Variants in SALL1 observed in about 807,000 individuals in gnomAD.
SALL1 encodes the protein spalt like transcription factor 1.
In SALL1, 10 loss-of-function variants were observed where a neutral mutation model predicts 73.1. The observed-to-expected ratio is 0.14, with a 90% CI of 0.08 to 0.23. SALL1 has a LOEUF of 0.23. SALL1 is among the 10% of genes least tolerant of loss of function. The pLI is 1.00. For missense variants in SALL1, 1,520 were observed against 1,697.3 expected, an observed-to-expected ratio of 0.90 and a Z score of 1.84; for synonymous variants, 688 against 689.8, an observed-to-expected ratio of 1.00 and a Z score of 0.04.
intron 2 of SALL1, 119 bp downstream of exon 2, chr16:51,138,569 T>C (rs1962352363): frequency 7.5e-7 from 1 of 1,330,820 alleles, no homozygotes; most frequent in Non-Finnish European, 1.0e-6. Flanking sequence ...GCAGGTTCCC[T>C]TGCAAGAGCT....
intron 1 of SALL1, among the ~76,000 whole-genome samples, chr16:51,143,631 T>C (rs1363266508): frequency 1.3e-5 from 2 of 152,204 alleles, no homozygotes; most frequent in African/African-American, 4.8e-5. Context: ...CTGTTTGCTT[T>C]TTTGTAGTAA....
chr16:51,143,890 T>G (rs1336707892), intron 1 of SALL1, among the ~76,000 whole-genome samples: 1 of 152,196 alleles, frequency 6.6e-6, no homozygotes, highest in Non-Finnish European at 1.5e-5. Context: ...TAGTGCAAGA[T>G]GCATTAACAC....
rs1962328056 is a variant in SALL1, at chr16:51,137,403, C to T, written c.3684G>A (p.Gly1228=). 1.9e-6 allele frequency: 3 copies of T among 1,613,980 alleles called. No individual in the cohort carries two copies. The highest frequency in any genetic ancestry group is 1.7e-5 in the Admixed American group (1 of 59,996). ...QKDLAARSGS[G]DPSSFWNQYA... ...ACTGATTCCAGAAGCTGGAAGGATCCCCACTTCCTGATCTTGCCGCCAAAT... is the reference window on the plus strand; with the variant it reads ...ACTGATTCCAGAAGCTGGAAGGATCTCCACTTCCTGATCTTGCCGCCAAAT... The change falls in exon 3 of 3, where the codon GGG becomes GGA. Residue 1228 remains glycine, a synonymous_variant. Transcript: ENST00000251020.
intron 1 of SALL1, chr16:51,143,511 T>A (rs1267201659): frequency 6.1e-6 from 1 of 163,680 alleles, no homozygotes; most frequent in African/African-American, 2.4e-5. Flanking sequence ...ACTTCCAAAT[T>A]GAATCTCCCA....
At chr16:51,143,394 G>A (rs1189777928) in intron 1 of SALL1, 2 of 376,694 alleles carry the variant, frequency 5.3e-6, no homozygotes, top group Admixed American at 3.1e-5. Context: ...AATGGTGTGT[G>A]GTCATCTACG....
At chr16:51,142,909 G>A (rs887424661) in intron 1 of SALL1, among the ~76,000 whole-genome samples, 6 of 152,094 alleles carry the variant, frequency 3.9e-5, no homozygotes, top group Non-Finnish European at 7.3e-5. Flanking sequence ...ATGTAACTCC[G>A]GCTACCATTC....
At position 51,139,553 on chromosome 16, in the gene SALL1, T is replaced by C; in HGVS notation, c.2669A>G (p.Asn890Ser). The C allele has an allele frequency of 6.2e-7, 1 of 1,614,174 alleles. No individual in the cohort carries two copies. The highest frequency in any genetic ancestry group is 8.5e-7 in the Non-Finnish European group (1 of 1,180,030). Residue 890 changes from asparagine (N) to serine (S), a missense_variant, in exon 2 of 3, where the codon AAT becomes AGT. By Grantham distance (46) the Asn-to-Ser change is conservative. Transcript: ENST00000251020. ...QLQASLKSVE[N>S]GSIEGDVLTN... is the part of the protein sequence containing the mutation. ...CAGGACATCCCCCTCGATGGACCCA[T>C]TCTCCACTGACTTCAGGCTGGCCTG...
chr16:51,141,981 G>T lies in SALL1; in HGVS notation c.241C>A (p.Pro81Thr). Residue 81 changes from proline (P) to threonine (T), a missense_variant, in exon 2 of 3, where the codon CCA becomes ACA. Transcript: ENST00000251020. The surrounding 1 kb of genome is among the most constrained non-coding windows in gnomAD (Gnocchi z 5.4). Reference protein sequence around the residue: ...VLIVNENPASPPETFSPSPPP... With the variant: ...VLIVNENPASTPETFSPSPPP... ...GGGCTGGGGGAGAAGGTTTCGGGTG[G>T]GGAGGCTGGATTTTCATTTACGATT... The T allele has an allele frequency of 6.2e-7, 1 of 1,613,934 alleles. No homozygotes were observed. Among genetic ancestry groups the T allele is most frequent in the Non-Finnish European group, 8.5e-7 (1 of 1,179,992 alleles).
chr16:51,141,798 C>T lies in SALL1; in HGVS notation c.424G>A (p.Gly142Ser), dbSNP rs553871743. ...CTTGGGGCGGTACTGCTGTGGCTGC[C>T]GCTGGAAGTGCCGCTGCCGCTTTTG... ...ANKSGSGTSS[G>S]SHSSTAPSSS... The change falls in exon 2 of 3, where the codon GGC becomes AGC. Residue 142 changes from glycine (G) to serine (S), a missense_variant. Coordinates refer to ENST00000251020, the MANE Select transcript of SALL1 (RefSeq NM_002968.3). This position sits in a 1 kb window ranked among gnomAD's most constrained non-coding sequence, Gnocchi z 5.4. 14 of 1,613,536 alleles carry T rather than the reference C, an allele frequency of 8.7e-6. No homozygotes were observed. Among genetic ancestry groups the T allele is most frequent in the Admixed American group, 1.7e-5 (1 of 60,002 alleles).
chr16:51,137,421 C>T lies in SALL1; in HGVS notation c.3666G>A (p.Ala1222=), dbSNP rs150748596. ...AAGGATCCCCACTTCCTGATCTTGCCGCCAAATCCTTCTGGAACATTTCTG... is the reference window on the plus strand; with the variant it reads ...AAGGATCCCCACTTCCTGATCTTGCTGCCAAATCCTTCTGGAACATTTCTG... ...KFPEMFQKDL[A]ARSGSGDPSS... The change falls in exon 3 of 3, where the codon GCG becomes GCA. Residue 1222 remains alanine, a synonymous_variant. Coordinates refer to ENST00000251020, the MANE Select transcript of SALL1 (RefSeq NM_002968.3). 1.9e-5 allele frequency: 31 copies of T among 1,614,104 alleles called. No homozygotes were observed. In the African/African-American group the frequency reaches 2.9e-4, roughly 15 times the overall value.
rs745923519 is a variant in SALL1, at chr16:51,141,315, G to A, written c.907C>T (p.Leu303Phe). 2 of 1,613,828 alleles carry A rather than the reference G, an allele frequency of 1.2e-6. No homozygotes were observed. The highest frequency in any genetic ancestry group is 8.5e-7 in the Non-Finnish European group (1 of 1,180,050). Residue 303 changes from leucine to phenylalanine, a missense_variant, in exon 2 of 3, where the codon CTC (leucine) becomes TTC (phenylalanine). Physicochemically the swap from Leu to Phe is conservative, Grantham distance 22. Transcript: ENST00000251020. The surrounding 1 kb of genome is among the most constrained non-coding windows in gnomAD (Gnocchi z 5.4). ...LAAAAGLAQS[L>F]ASQSASISGV... ...CTAATGCTGGCAGATTGGCTGGCGAGGCTCTGTGCCAATCCAGCTGCTGCT... is the reference window on the plus strand; with the variant it reads ...CTAATGCTGGCAGATTGGCTGGCGAAGCTCTGTGCCAATCCAGCTGCTGCT...
Position 51,140,230 on chromosome 16 carries a change from C to T in SALL1, c.1992G>A (p.Pro664=), listed in dbSNP as rs754352358. Residue 664 remains proline (P), a synonymous_variant, in exon 2 of 3, where the codon CCG becomes CCA. Coordinates refer to ENST00000251020, the MANE Select transcript of SALL1 (RefSeq NM_002968.3). This position sits in a 1 kb window ranked among gnomAD's most constrained non-coding sequence, Gnocchi z 5.7. The part of the protein sequence containing the change: ...SATTFTNPLL[P]LMSEQFKAKF... The stretch of plus-strand genomic sequence containing the variant: ...TGGCCTTGAACTGCTCGGACATGAG[C>T]GGCAACAAAGGGTTGGTGAAGGTGG... The T allele has an allele frequency of 1.1e-4, 177 of 1,614,144 alleles. 1 individual carries two copies. In the East Asian group the frequency reaches 2.8e-3, roughly 26 times the overall value.
intron 1 of SALL1, chr16:51,150,495 C>T: frequency 5.4e-5 from 53 of 985,794 alleles, no homozygotes; most frequent in Non-Finnish European, 6.0e-5. Flanking sequence ...TCCGGAACAA[C>T]TGGCGGCCAG....
rs1286395494 is a variant in SALL1 at position 51,138,818 on chromosome 16, T to C, written c.3404A>G (p.Tyr1135Cys). ...ALPRRTPKQH[Y>C]CNTCGKTFSS... Reference sequence around the variant, plus strand: ...GAAGGTTTTGCCACATGTGTTGCAGTAGTGCTGCTTGGGAGTTCTCCTGGG... The same window carrying C: ...GAAGGTTTTGCCACATGTGTTGCAGCAGTGCTGCTTGGGAGTTCTCCTGGG... Residue 1135 changes from tyrosine (Y) to cysteine (C), a missense_variant, in exon 2 of 3, where the codon TAC becomes TGC. By Grantham distance (194) the Tyr-to-Cys change is radical (BLOSUM62 -2). Around this residue, in one of 7 missense-constraint regions of SALL1, gnomAD observed 318 missense variants for 357.1 expected, o/e 0.89. Transcript: ENST00000251020. 6.2e-7 allele frequency: 1 copy of C among 1,614,208 alleles called. No individual in the cohort carries two copies. Among genetic ancestry groups the C allele is most frequent in the South Asian group, 1.1e-5 (1 of 91,072 alleles).
intron 1 of SALL1, among the ~76,000 whole-genome samples, chr16:51,147,906 T>A (rs548446687): frequency 5.3e-5 from 8 of 152,250 alleles, no homozygotes; most frequent in Middle Eastern, 3.4e-3. Context: ...ATATTCCCTT[T>A]CCTCAGAATT....
intron 1 of SALL1, chr16:51,150,847 G>A: frequency 3.7e-6 from 1 of 273,816 alleles, no homozygotes; most frequent in Non-Finnish European, 6.8e-6. Flanking sequence ...GGTCTTGGCC[G>A]CGGCTGGGAT....
At chr16:51,149,081 A>C (rs900958972) in intron 1 of SALL1, among the ~76,000 whole-genome samples, 16 of 152,182 alleles carry the variant, frequency 1.1e-4, no homozygotes, top group Non-Finnish European at 8.8e-5. Flanking sequence ...TACTTAACTT[A>C]CCTCAAAGCT....
Position 51,139,788 on chromosome 16 carries a change from A to T in SALL1, c.2434T>A (p.Ser812Thr), listed in dbSNP as rs1380176050. 1 of 1,614,168 alleles carries T rather than the reference A, an allele frequency of 6.2e-7. No individual in the cohort carries two copies. The highest frequency in any genetic ancestry group is 1.1e-5 in the South Asian group (1 of 91,082). The change falls in exon 2 of 3, where the codon TCC (serine) becomes ACC (threonine). Residue 812 changes from serine (S) to threonine (T), a missense_variant. By Grantham distance (58) the Ser-to-Thr change is moderately conservative. Coordinates refer to ENST00000251020, the MANE Select transcript of SALL1 (RefSeq NM_002968.3). ...YSESMESDTG[S>T]FDEKNFDDLD... is the part of the protein sequence containing the mutation. ...TCATCAAAATTTTTCTCATCAAAGG[A>T]ACCTGTGTCAGACTCCATGGACTCA...
rs77466256 is a variant in SALL1, at chr16:51,138,612, G to A, written c.3534+76C>T. The A allele has an allele frequency of 2.1e-3, 3,175 of 1,532,514 alleles. 58 individuals carry two copies. In the South Asian group the frequency reaches 0.026, roughly 13 times the overall value. 94.9% of individuals were successfully genotyped at this position (1,532,514 alleles called of 1,614,324 possible). The stretch of plus-strand genomic sequence containing the variant: ...TGAATATCTGGGCTGATGACTCTGG[G>A]GGCATGCATTATAGATAATCAATGG... On this transcript the variant is annotated intron_variant, in intron 2 of 2. Transcript: ENST00000251020.
Sources: gnomAD v4.1 joint callset for allele counts (sites outside exome capture counted in the v4.1 genomes callset) on GRCh38, gnomAD v4.1.1 for gene constraint, gnomAD v4.1.1 regional missense constraint, Gnocchi (gnomAD v3.1) non-coding constraint, MANE v1.5 for transcripts, NCBI Gene and HGNC (gene_info 2026-07-23, HGNC 2026-07-21) for gene names.